The following ZNF277 variants were observed in gnomAD, a reference collection of about 807,000 sequenced individuals.
ZNF277 encodes zinc finger protein 277, also known as nuclear receptor-interacting factor 4.
In ZNF277, 55 loss-of-function variants were observed where a neutral mutation model predicts 60.7. The ratio of observed to expected loss-of-function variants is 0.91; its 90% CI spans 0.73 to 1.13. The LOEUF is 1.13. ZNF277 is among the 50% of genes most tolerant of loss of function. ZNF277 has a pLI of 0.00. For missense variants in ZNF277, 510 were observed against 523.0 expected (o/e 0.98, Z 0.24); for synonymous variants, 178 against 179.3 (o/e 0.99, Z 0.06).
intron 2 of ZNF277, among the ~76,000 whole-genome samples, chr7:112,291,605 AAC>A (rs1439525472): frequency 6.6e-6 from 1 of 151,288 alleles, no homozygotes; most frequent in Non-Finnish European, 1.5e-5. Context: ...CTTAAATTTG[AAC>A]AGTGTTCTAG....
intron 4 of ZNF277, among the ~76,000 whole-genome samples, chr7:112,298,435 G>A (rs1792401629): frequency 6.6e-6 from 1 of 152,166 alleles, no homozygotes; most frequent in Non-Finnish European, 1.5e-5. Context: ...TCGAGTAAAA[G>A]TCTACTCCGG....
intron 1 of ZNF277, 27 bp downstream of exon 1, chr7:112,206,834 C>T: frequency 6.2e-7 from 1 of 1,604,930 alleles, no homozygotes; most frequent in Non-Finnish European, 8.5e-7. Context: ...GGAGGCGCGG[C>T]TGATGTGTCT....
At chr7:112,314,499 A>G (rs1792799951) in intron 4 of ZNF277, among the ~76,000 whole-genome samples, 1 of 152,062 alleles carries the variant, frequency 6.6e-6, no homozygotes, top group South Asian at 2.1e-4. Flanking sequence ...ACTTTTAAAA[A>G]CCTAGGTTAG....
intron 1 of ZNF277, among the ~76,000 whole-genome samples, chr7:112,210,475 T>TTG (rs1563191658): frequency 4.0e-5 from 6 of 150,936 alleles, no homozygotes; most frequent in Non-Finnish European, 3.0e-5. Context: ...GTTTTTTTTT[T>TTG]TTGTTTTTTT....
intron 1 of ZNF277, among the ~76,000 whole-genome samples, chr7:112,271,214 C>T (rs189264386): frequency 6.6e-5 from 10 of 152,036 alleles, no homozygotes; most frequent in East Asian, 1.9e-4. Context: ...TTCAGAGATA[C>T]GAGATTTCTA....
intron 1 of ZNF277, among the ~76,000 whole-genome samples, chr7:112,219,563 T>TCAG (rs1201043681): frequency 2.6e-5 from 4 of 152,224 alleles, no homozygotes; most frequent in African/African-American, 9.6e-5. Context: ...TTCTCTGTTC[T>TCAG]GTTTCATTGG....
intron 1 of ZNF277, among the ~76,000 whole-genome samples, chr7:112,277,699 G>A (rs1167774824): frequency 6.6e-6 from 1 of 152,142 alleles, no homozygotes; most frequent in Non-Finnish European, 1.5e-5. Context: ...TAGATATAGA[G>A]CATTTTTTTC....
At chr7:112,329,230 T>C (rs571603924) in intron 6 of ZNF277, among the ~76,000 whole-genome samples, 2 of 152,194 alleles carry the variant, frequency 1.3e-5, no homozygotes, top group African/African-American at 2.4e-5. Context: ...GAGTTTCCCA[T>C]GTAAAATATA....
intron 1 of ZNF277, among the ~76,000 whole-genome samples, chr7:112,278,063 C>A (rs182528970): frequency 1.0e-3 from 157 of 152,266 alleles, no homozygotes; most frequent in Non-Finnish European, 1.7e-3. Flanking sequence ...CAGAGCTTAT[C>A]TCATATTCTC....
At position 112,327,835 on chromosome 7, in the gene ZNF277, C is replaced by T. The variant is rs754428948; in HGVS notation, c.668+8C>T. The stretch of plus-strand genomic sequence containing the variant: ...ACAGAAAAAGCTTGACAAGTAAGTA[C>T]TGATTTATGAAACACTGCCTAAAGC... On this transcript the variant is annotated splice_region_variant and intron_variant, in intron 6 of 11. Coordinates refer to ENST00000361822, the MANE Select transcript of ZNF277 (RefSeq NM_021994.3). 2.5e-6 allele frequency: 4 copies of T among 1,574,406 alleles called. No individual in the cohort carries two copies. Among genetic ancestry groups the T allele is most frequent in the Non-Finnish European group, 3.5e-6 (4 of 1,152,710 alleles).
At chr7:112,293,491 G>A (rs1792255034) in intron 2 of ZNF277, among the ~76,000 whole-genome samples, 1 of 151,042 alleles carries the variant, frequency 6.6e-6, no homozygotes, top group African/African-American at 2.4e-5. Flanking sequence ...AGGTGGGGAG[G>A]ATGTCTTCAG....
At chr7:112,235,859 G>T (rs1013739910) in intron 1 of ZNF277, among the ~76,000 whole-genome samples, 2 of 151,740 alleles carry the variant, frequency 1.3e-5, no homozygotes, top group African/African-American at 2.4e-5. Flanking sequence ...CTAATCCAAG[G>T]TCATTAATAT....
At chr7:112,339,206 C>T (rs1325777750) in intron 9 of ZNF277, among the ~76,000 whole-genome samples, 1 of 152,208 alleles carries the variant, frequency 6.6e-6, no homozygotes, top group East Asian at 1.9e-4. Context: ...ATCTTACCTA[C>T]ACTTTTATCA....
chr7:112,283,183 T>C (rs1791985802), intron 1 of ZNF277, among the ~76,000 whole-genome samples: 1 of 152,192 alleles, frequency 6.6e-6, no homozygotes, highest in Non-Finnish European at 1.5e-5. Flanking sequence ...AAAAATCATT[T>C]GGGAATCAGA....
intron 1 of ZNF277, among the ~76,000 whole-genome samples, chr7:112,224,029 G>C (rs999792126): frequency 2.0e-5 from 3 of 152,212 alleles, no homozygotes; most frequent in African/African-American, 7.2e-5. Flanking sequence ...CTGTCATTTA[G>C]AATGCCCAGA....
intron 2 of ZNF277, among the ~76,000 whole-genome samples, chr7:112,291,479 A>T (rs1584383342): frequency 6.6e-6 from 1 of 152,356 alleles, no homozygotes; most frequent in Non-Finnish European, 1.5e-5. Context: ...TCATCCAAAT[A>T]GAGTTCCTAC....
chr7:112,320,281 G>C (rs1393364566), intron 5 of ZNF277, among the ~76,000 whole-genome samples: 1 of 152,078 alleles, frequency 6.6e-6, no homozygotes. Flanking sequence ...GACCTCCTCA[G>C]TAGTCTTGAC....
chr7:112,281,680 G>T (rs980222348), intron 1 of ZNF277, among the ~76,000 whole-genome samples: 3 of 152,138 alleles, frequency 2.0e-5, no homozygotes, highest in Admixed American at 6.5e-5. Flanking sequence ...ACAGCCACAG[G>T]TGTTCCCTGA....
chr7:112,323,818 T>C lies in ZNF277; in HGVS notation c.558-3899T>C, dbSNP rs140921914. ...TCCAGAAGTGCTTCTCTCAAAGCTA[T>C]TTCTGTAATTTAATCCTGTTTGCCC... On this transcript the variant is annotated intron_variant, in intron 5 of 11. Coordinates refer to ENST00000361822, the MANE Select transcript of ZNF277 (RefSeq NM_021994.3). 6.6e-5 allele frequency among the ~76,000 whole-genome samples: 10 copies of C among 152,356 alleles called. No homozygotes were observed. In the East Asian group the frequency reaches 1.3e-3, roughly 21 times the overall value.
Sources: allele counts gnomAD v4.1 joint callset (sites outside exome capture counted in the v4.1 genomes callset), GRCh38; gene constraint gnomAD v4.1.1; transcripts MANE v1.5; gene names NCBI Gene and HGNC (gene_info 2026-07-23, HGNC 2026-07-21).